SSH1: variants seen among roughly 807,000 people sequenced by gnomAD.
SSH1 encodes slingshot protein phosphatase 1, also known as protein phosphatase Slingshot homolog 1.
A neutral mutation model predicts 79.7 loss-of-function variants in SSH1; 43 were observed. The ratio of observed to expected loss-of-function variants is 0.54; its 90% CI spans 0.42 to 0.70. The LOEUF (loss-of-function observed/expected upper bound fraction) is 0.70, where lower values mean the gene tolerates loss of function less well. Among genes scored for constraint, SSH1 ranks in the 30% least tolerant of loss-of-function variants. SSH1 has a pLI of 0.00. For missense variants in SSH1, 1,206 were observed against 1,358.8 expected, an observed-to-expected ratio of 0.89 and a Z score of 1.77; for synonymous variants, 599 against 538.3, an observed-to-expected ratio of 1.11 and a Z score of -1.56.
At chr12:108,842,715 T>C (rs2038808823) in intron 2 of SSH1, among the ~76,000 whole-genome samples, 1 of 151,228 alleles carries the variant, frequency 6.6e-6, no homozygotes, top group South Asian at 2.1e-4. Flanking sequence ...GTGTGGGTTC[T>C]GATGCATAGG....
intron 10 of SSH1, 54 bp downstream of exon 10, chr12:108,805,002 C>A: frequency 6.2e-7 from 1 of 1,602,786 alleles, no homozygotes; most frequent in Non-Finnish European, 8.5e-7. Flanking sequence ...CTTAAACAAC[C>A]AGGGTCTGAT....
Position 108,844,376 on chromosome 12 carries a change from G to C in SSH1, c.110+8262C>G, listed in dbSNP as rs74463255. Among the ~76,000 whole-genome samples the C allele has an allele frequency of 2.3e-3, 356 of 152,276 alleles. 2 individuals are homozygous for C. Among genetic ancestry groups the C allele is most frequent in the African/African-American group, 8.0e-3 (333 of 41,566 alleles). ...AGCCTCAGAGCATGAACAAGCATGT[G>C]GGTGCTGAGTGGAGGGGACCAGTGT... On this transcript the variant is annotated intron_variant, in intron 2 of 14. Transcript: ENST00000326495.
In SSH1 at chr12:108,857,456, G is replaced by T; in HGVS notation, c.41C>A (p.Ala14Asp). Residue 14 changes from alanine (A) to aspartate (D), a missense_variant, in exon 1 of 15, where the codon GCC (alanine) becomes GAC (aspartate). Ala to Asp is a moderately radical substitution (Grantham distance 126, BLOSUM62 -2). Coordinates refer to ENST00000326495, the MANE Select transcript of SSH1 (RefSeq NM_018984.4). This position sits in a 1 kb window ranked among gnomAD's most constrained non-coding sequence, Gnocchi z 4.7. ...VTLQRSPTPS[A>D]ASSSASNSEL... ...GCTGTTGCTGGCCGAGGAGGAGGCG[G>T]CGCTGGGCGTGGGCGAGCGCTGCAG... 1 of 1,122,006 alleles carries T rather than the reference G, an allele frequency of 8.9e-7. No individual in the cohort carries two copies. Among genetic ancestry groups the T allele is most frequent in the African/African-American group, 1.7e-5 (1 of 59,956 alleles). The allele number at this position is 1,122,006 out of a possible 1,614,324, so 69.5% of individuals were successfully genotyped here.
intron 2 of SSH1, among the ~76,000 whole-genome samples, chr12:108,835,031 C>G (rs2038565754): frequency 6.6e-6 from 1 of 152,138 alleles, no homozygotes; most frequent in Non-Finnish European, 1.5e-5. Context: ...GAGGTCAGGT[C>G]AGGTCTTCCT....
At position 108,803,692 on chromosome 12, in the gene SSH1, A is replaced by T. The variant is rs1016719811; in HGVS notation, c.955-1324T>A. 3.3e-5 allele frequency among the ~76,000 whole-genome samples: 5 copies of T among 152,216 alleles called. 1 individual carries two copies. Among genetic ancestry groups the T allele is most frequent in the African/African-American group, 1.2e-4 (5 of 41,464 alleles). ...AAGCTGAGACTGTCCTCTTGCTGTGACTGCCACCTAGTGGAGAAAGAAGGA... is the reference window on the plus strand; with the variant it reads ...AAGCTGAGACTGTCCTCTTGCTGTGTCTGCCACCTAGTGGAGAAAGAAGGA... On this transcript the variant is annotated intron_variant, in intron 10 of 14. Coordinates refer to ENST00000326495, the MANE Select transcript of SSH1 (RefSeq NM_018984.4).
chr12:108,804,920 C>T (rs1399198763), intron 10 of SSH1, 136 bp downstream of exon 10: 1 of 1,067,894 alleles, frequency 9.4e-7, no homozygotes, highest in Non-Finnish European at 1.4e-6. Flanking sequence ...AGGGGAGCTC[C>T]TGCCAGCCAG....
At chr12:108,804,670 T>C (rs908727944) in intron 10 of SSH1, among the ~76,000 whole-genome samples, 1 of 152,214 alleles carries the variant, frequency 6.6e-6, no homozygotes, top group Admixed American at 6.5e-5. Flanking sequence ...TGGGGTTTGG[T>C]GAGGACACTT....
In SSH1 at chr12:108,807,595, G is replaced by T; in HGVS notation, c.731+38C>A. The stretch of plus-strand genomic sequence containing the variant: ...AGGTGGGGGAGAGGCAGGTGCCTGT[G>T]GGCTTGGGTGCGCTCACACCAGAGG... On this transcript the variant is annotated intron_variant, in intron 8 of 14. Transcript: ENST00000326495. This position sits in a 1 kb window ranked among gnomAD's most constrained non-coding sequence, Gnocchi z 5.2. 1 of 1,604,844 alleles carries T rather than the reference G, an allele frequency of 6.2e-7. No individual in the cohort carries two copies.
intron 10 of SSH1, among the ~76,000 whole-genome samples, chr12:108,802,725 C>T (rs905905594): frequency 2.0e-5 from 3 of 152,120 alleles, no homozygotes; most frequent in African/African-American, 7.2e-5. Context: ...CGACCTCCCA[C>T]CCAGGGAAGG....
At chr12:108,832,291 T>C (rs987749683) in intron 2 of SSH1, among the ~76,000 whole-genome samples, 3 of 151,634 alleles carry the variant, frequency 2.0e-5, no homozygotes, top group African/African-American at 7.3e-5. Flanking sequence ...AGGGAGACTC[T>C]GTCCCACCCA....
chr12:108,812,911 G>A (rs1266521690), intron 5 of SSH1, among the ~76,000 whole-genome samples: 1 of 149,938 alleles, frequency 6.7e-6, no homozygotes, highest in Non-Finnish European at 1.5e-5. Flanking sequence ...TGCCCAGGCT[G>A]GAATACAGTG....
chr12:108,816,147 T>A (rs1565996475), intron 5 of SSH1, among the ~76,000 whole-genome samples: 1 of 152,110 alleles, frequency 6.6e-6, no homozygotes, highest in Non-Finnish European at 1.5e-5. Flanking sequence ...CTCTCAACAG[T>A]CACCCCCTCC....
chr12:108,832,806 A>G (rs2038506271), intron 2 of SSH1, among the ~76,000 whole-genome samples: 1 of 152,176 alleles, frequency 6.6e-6, no homozygotes, highest in Non-Finnish European at 1.5e-5. Flanking sequence ...CACTCTTCAG[A>G]GCCTAAGAAA....
chr12:108,811,269 T>A lies in SSH1; in HGVS notation c.461A>T (p.Asp154Val), dbSNP rs779436814. 1 of 1,614,026 alleles carries A rather than the reference T, an allele frequency of 6.2e-7. No individual in the cohort carries two copies. The highest frequency in any genetic ancestry group is 1.3e-5 in the African/African-American group (1 of 74,926). The change falls in exon 6 of 15, where the codon GAT (aspartate) becomes GTT (valine). Residue 154 changes from aspartate (D) to valine (V), a missense_variant. Transcript: ENST00000326495. ...AAAGAGACCTCCTTACCCATCTCCA[T>A]CAAGGTGGATTTTCGTGTCGCTCCA... is the stretch of plus-strand genomic sequence containing the variant. ...RLWSDTKIHL[D>V]GDGGFSVSTA...
At chr12:108,827,267 T>G (rs1316412726) in intron 2 of SSH1, 2 of 1,549,124 alleles carry the variant, frequency 1.3e-6, no homozygotes, top group East Asian at 2.5e-5. Flanking sequence ...ACGTACTAAT[T>G]TGAGCTGGAA....
At chr12:108,819,791 C>G (rs1047079083) in intron 3 of SSH1, among the ~76,000 whole-genome samples, 3 of 152,200 alleles carry the variant, frequency 2.0e-5, no homozygotes, top group African/African-American at 7.2e-5. Context: ...CGATAAGACC[C>G]TGTCTCTACA....
At chr12:108,834,757 G>T (rs2137235693) in intron 2 of SSH1, among the ~76,000 whole-genome samples, 2 of 152,304 alleles carry the variant, frequency 1.3e-5, no homozygotes, top group East Asian at 3.9e-4. Context: ...CTTCCTGCCA[G>T]TATATTTTAA....
chr12:108,811,210 T>G (rs1289113295), intron 6 of SSH1, 50 bp downstream of exon 6: 4 of 1,568,372 alleles, frequency 2.6e-6, no homozygotes, highest in Non-Finnish European at 2.6e-6. Flanking sequence ...GCTCGTGTTT[T>G]CAATGCCTAC....
At chr12:108,829,360 A>AT (rs1443123698) in intron 2 of SSH1, among the ~76,000 whole-genome samples, 1 of 152,140 alleles carries the variant, frequency 6.6e-6, no homozygotes, top group Non-Finnish European at 1.5e-5. Flanking sequence ...AGTAAAAACA[A>AT]TGGTCTGGGA....
Sources: gnomAD v4.1 joint callset for allele counts (sites outside exome capture counted in the v4.1 genomes callset) on GRCh38, gnomAD v4.1.1 for gene constraint, Gnocchi (gnomAD v3.1) non-coding constraint, MANE v1.5 for transcripts, NCBI Gene and HGNC (gene_info 2026-07-23, HGNC 2026-07-21) for gene names.